Variants in LTBP4 observed in about 807,000 individuals in gnomAD.
LTBP4 encodes latent-transforming growth factor beta-binding protein 4.
Under a neutral mutation model 180.2 loss-of-function variants are expected in LTBP4, and 93 were observed. The observed-to-expected ratio is 0.52, with a 90% confidence interval of 0.44 to 0.61. The LOEUF (loss-of-function observed/expected upper bound fraction) is 0.61, where lower values mean the gene tolerates loss of function less well. Among genes scored for constraint, LTBP4 ranks in the 20% least tolerant of loss-of-function variants. The pLI is 0.00. For synonymous variants in LTBP4, 947 were observed against 934.5 expected, an observed-to-expected ratio of 1.01 and a Z score of -0.24; for missense variants, 2,116 against 2,256.5, an observed-to-expected ratio of 0.94 and a Z score of 1.26.
chr19:40,615,708 G>A (rs568633948), intron 19 of LTBP4, among the ~76,000 whole-genome samples: 4 of 152,252 alleles, frequency 2.6e-5, no homozygotes, highest in East Asian at 1.9e-4. Flanking sequence ...CAGTTGAGCC[G>A]AGATCGCGCC....
intron 1 of LTBP4, 127 bp from the exon 2 acceptor site, chr19:40,604,907 TG>T: frequency 1.3e-6 from 1 of 784,616 alleles, no homozygotes; most frequent in Non-Finnish European, 2.0e-6. Flanking sequence ...ATGCCAGAAT[TG>T]GGGCGGGGCC....
chr19:40,624,076 A>T lies in LTBP4; in HGVS notation c.3826A>T (p.Ser1276Cys), dbSNP rs567353409. 6.4e-6 allele frequency: 10 copies of T among 1,559,608 alleles called. No homozygotes were observed. Among genetic ancestry groups the T allele is most frequent in the Non-Finnish European group, 8.7e-6 (10 of 1,149,552 alleles). Residue 1276 changes from serine (S) to cysteine (C), a missense_variant, in exon 26 of 30, where the codon AGC becomes TGC. By Grantham distance (112) the Ser-to-Cys change is moderately radical (BLOSUM62 -1). Transcript: ENST00000396819. ...CCGCTGCGTCTCCAACGAGAGCCAG[A>T]GCCTCGGTAACCCCGCCCACGCCAT... The part of the protein sequence containing the change: ...QRRCVSNESQ[S>C]LDDNLGVCWQ...
rs187113035 is a variant in LTBP4 at position 40,594,084 on chromosome 19, C to G, written c.16+903C>G. On this transcript the variant is annotated intron_variant, in intron 1 of 32. Transcript: ENST00000204005. Reference sequence around the variant, plus strand: ...AAGTGCTGGGATTACAGACGTGAGCCGGCCTTATTCTGGGGGAGGGGGTGG... The same window carrying G: ...AAGTGCTGGGATTACAGACGTGAGCGGGCCTTATTCTGGGGGAGGGGGTGG... Among the ~76,000 whole-genome samples the G allele has an allele frequency of 8.1e-3, 1,119 of 138,778 alleles. 6 individuals are homozygous for G. The highest frequency in any genetic ancestry group is 0.033 in the Middle Eastern group (9 of 274). The allele number at this position is 138,778 out of a possible 152,430, so 91.0% of individuals were successfully genotyped here.
At chr19:40,599,343 A>G, upstream of LTBP4, 1 of 1,610,550 alleles carries the variant, frequency 6.2e-7, no homozygotes, top group Non-Finnish European at 8.5e-7. Context: ...CCCTCATCCC[A>G]GTGGGAGAGC....
At chr19:40,599,560 A>G (rs761804523), upstream of LTBP4, 1 of 1,606,020 alleles carries the variant, frequency 6.2e-7, no homozygotes, top group Non-Finnish European at 8.5e-7. Context: ...CACTGACGTG[A>G]GTGGGCAGTC....
chr19:40,607,337 TG>T, intron 6 of LTBP4, 27 bp from the exon 7 acceptor site: 2 of 1,262,754 alleles, frequency 1.6e-6, no homozygotes, highest in Non-Finnish European at 1.0e-6. Flanking sequence ...AGCCCCGCCC[TG>T]AAGGATTTCC....
At chr19:40,599,553 T>C, upstream of LTBP4, 1 of 1,607,640 alleles carries the variant, frequency 6.2e-7, no homozygotes, top group Non-Finnish European at 8.5e-7. Flanking sequence ...TGGCAGCCAC[T>C]GACGTGAGTG....
Position 40,608,168 on chromosome 19 carries a change from C to T in LTBP4, c.1157-52C>T, listed in dbSNP as rs559015889. 3.0e-5 allele frequency: 48 copies of T among 1,605,778 alleles called. No individual in the cohort carries two copies. The African/African-American group carries it at 5.1e-4, about 17-fold the overall frequency. ...CAAGGCCAGAGTCTGGGCTGGCCATCGTTTTCTTCCCGCTCTCTTGTCCTC... is the reference window on the plus strand; with the variant it reads ...CAAGGCCAGAGTCTGGGCTGGCCATTGTTTTCTTCCCGCTCTCTTGTCCTC... On this transcript the variant is annotated intron_variant, in intron 7 of 29. Transcript: ENST00000396819.
At chr19:40,607,889 C>T (rs2081475002) in intron 7 of LTBP4, among the ~76,000 whole-genome samples, 1 of 152,214 alleles carries the variant, frequency 6.6e-6, no homozygotes, top group Non-Finnish European at 1.5e-5. Context: ...CTCCCTGAGA[C>T]ACCTCCCTGG....
intron 19 of LTBP4, among the ~76,000 whole-genome samples, chr19:40,615,810 C>T (rs919417779): frequency 6.6e-6 from 1 of 152,124 alleles, no homozygotes; most frequent in African/African-American, 2.4e-5. Flanking sequence ...ATATGTTGGG[C>T]ACTGGAGATG....
chr19:40,608,584 T>A lies in LTBP4; in HGVS notation c.1407T>A (p.Gly469=). Residue 469 remains glycine (G), a synonymous_variant, in exon 9 of 30, where the codon GGT becomes GGA. Coordinates refer to ENST00000396819, the MANE Select transcript of LTBP4 (RefSeq NM_001042545.2). ...TGCCCAGCATCCCTGCCTGGACTGG[T>A]CCTGAGATTCCTGAATCAGGTTTGC... is the stretch of plus-strand genomic sequence containing the variant. ...LPLPSIPAWT[G]PEIPESGPSS... is the part of the protein sequence containing the mutation. The A allele has an allele frequency of 6.3e-7, 1 of 1,594,774 alleles. No individual in the cohort carries two copies. The highest frequency in any genetic ancestry group is 1.1e-5 in the South Asian group (1 of 87,796).
rs1252508776 is a variant in LTBP4, at chr19:40,629,115, C to T, written c.4520-281C>T. The stretch of plus-strand genomic sequence containing the variant: ...CCACCCGCCTCAGCCTCCCAAAGTG[C>T]TGAGATTACAGGCATGAGCCACCGC... On this transcript the variant is annotated intron_variant, in intron 29 of 29. Transcript: ENST00000396819. The surrounding 1 kb of genome is among the most constrained non-coding windows in gnomAD (Gnocchi z 4.5). 1.3e-5 allele frequency among the ~76,000 whole-genome samples: 2 copies of T among 152,152 alleles called. No individual in the cohort carries two copies. Among genetic ancestry groups the T allele is most frequent in the African/African-American group, 4.8e-5 (2 of 41,432 alleles).
intron 24 of LTBP4, 36 bp from the exon 25 acceptor site, chr19:40,623,568 A>G: frequency 6.3e-7 from 1 of 1,598,738 alleles, no homozygotes; most frequent in East Asian, 2.3e-5. Flanking sequence ...CCACCCATCC[A>G]GCCCGCCCCC....
intron 1 of LTBP4, among the ~76,000 whole-genome samples, chr19:40,593,732 C>A (rs983521798): frequency 6.6e-6 from 1 of 151,146 alleles, no homozygotes; most frequent in Non-Finnish European, 1.5e-5. Context: ...GAATCCAGAA[C>A]GCTCGTGTTG....
chr19:40,600,459 A>T (rs2081416123), upstream of LTBP4, among the ~76,000 whole-genome samples: 1 of 152,178 alleles, frequency 6.6e-6, no homozygotes, highest in Admixed American at 6.5e-5. This position sits in a 1 kb window ranked among gnomAD's most constrained non-coding sequence, Gnocchi z 4.4. Flanking sequence ...GGCCCGTTAG[A>T]AAGCTCCGCC....
At chr19:40,626,908 G>A (rs185418830) in intron 27 of LTBP4, 67 bp from the exon 28 acceptor site, 18 of 1,475,584 alleles carry the variant, frequency 1.2e-5, no homozygotes, top group East Asian at 2.4e-5. Context: ...TCTCCCAAGG[G>A]GGGTATGTGA....
chr19:40,595,923 T>C, intron 1 of LTBP4, among the ~76,000 whole-genome samples: 1 of 127,140 alleles, frequency 7.9e-6, no homozygotes, highest in Non-Finnish European at 1.7e-5. Context: ...TTTTTTTTTT[T>C]TTTTTTTTTT....
At position 40,622,083 on chromosome 19, in the gene LTBP4, G is replaced by A. The variant is rs987501474; in HGVS notation, c.3218-318G>A. ...AGGTTTTGAGATGAAGACTCAGCCA[G>A]TTTGCCACACACTGGATAAGAGACC... On this transcript the variant is annotated intron_variant, in intron 22 of 29. Coordinates refer to ENST00000396819, the MANE Select transcript of LTBP4 (RefSeq NM_001042545.2). This position sits in a 1 kb window ranked among gnomAD's most constrained non-coding sequence, Gnocchi z 5.1. Among the ~76,000 whole-genome samples the A allele has an allele frequency of 1.3e-5, 2 of 152,140 alleles. No homozygotes were observed. Among genetic ancestry groups the A allele is most frequent in the Admixed American group, 6.6e-5 (1 of 15,262 alleles).
In LTBP4 at chr19:40,611,911, G is replaced by A. The variant is rs1481916592; in HGVS notation, c.2106G>A (p.Glu702=). The change falls in exon 14 of 30, where the codon GAG becomes GAA. Residue 702 remains glutamate, a synonymous_variant. Transcript: ENST00000396819. The surrounding 1 kb of genome is among the most constrained non-coding windows in gnomAD (Gnocchi z 4.4). ...SPPPCTYGRC[E]NTEGSFQCVC... The stretch of plus-strand genomic sequence containing the variant: ...CACCCTGCACCTACGGCCGGTGTGA[G>A]AACACAGAAGGCAGCTTCCAGTGTG... 1 of 1,610,214 alleles carries A rather than the reference G, an allele frequency of 6.2e-7. No individual in the cohort carries two copies. Among genetic ancestry groups the A allele is most frequent in the Admixed American group, 1.7e-5 (1 of 59,528 alleles).
Sources: allele counts gnomAD v4.1 joint callset (sites outside exome capture counted in the v4.1 genomes callset), GRCh38; gene constraint gnomAD v4.1.1; non-coding constraint Gnocchi (gnomAD v3.1); transcripts MANE v1.5; gene names NCBI Gene and HGNC (gene_info 2026-07-23, HGNC 2026-07-21).